Variants in POU2F3 observed in about 807,000 individuals in gnomAD.
POU2F3 encodes POU domain, class 2, transcription factor 3.
In POU2F3, 23 loss-of-function variants were observed where a neutral mutation model predicts 59.2. The observed-to-expected ratio is 0.39, with a 90% CI of 0.28 to 0.55. POU2F3 has a LOEUF of 0.55. Among genes scored for constraint, POU2F3 ranks in the 20% least tolerant of loss-of-function variants. The pLI, the probability that POU2F3 is intolerant of heterozygous loss-of-function variation, is 0.66. For missense variants in POU2F3, 473 were observed against 544.5 expected (o/e 0.87, Z 1.31); for synonymous variants, 190 against 214.6 (o/e 0.89, Z 1.00).
chr11:120,267,732 G>A (rs1169025915), intron 2 of POU2F3, among the ~76,000 whole-genome samples: 1 of 150,158 alleles, frequency 6.7e-6, no homozygotes, highest in African/African-American at 2.5e-5. Context: ...TCATTTTGTG[G>A]CCACTGAGGA....
intron 2 of POU2F3, among the ~76,000 whole-genome samples, chr11:120,262,523 A>G (rs1175767295): frequency 6.6e-6 from 1 of 152,252 alleles, no homozygotes; most frequent in Non-Finnish European, 1.5e-5. Flanking sequence ...TCTCTAAAAC[A>G]TGAAGACATT....
intron 3 of POU2F3, among the ~76,000 whole-genome samples, chr11:120,293,313 A>G (rs1157664440): frequency 6.6e-6 from 1 of 152,224 alleles, no homozygotes; most frequent in Non-Finnish European, 1.5e-5. Context: ...AGCCATGGAG[A>G]TGGGAGAATC....
upstream of POU2F3, chr11:120,236,813 C>T (rs1040262131): frequency 6.0e-6 from 7 of 1,173,834 alleles, no homozygotes; most frequent in African/African-American, 3.0e-5. Context: ...CCCCTCAACC[C>T]TATACACAGG....
chr11:120,236,667 C>T (rs1373372769), upstream of POU2F3: 24 of 1,501,282 alleles, frequency 1.6e-5, no homozygotes, highest in East Asian at 9.8e-5. Flanking sequence ...CTCAAAAAAC[C>T]GGTTTCATGG....
upstream of POU2F3, among the ~76,000 whole-genome samples, chr11:120,237,968 C>T (rs766901919): frequency 8.5e-5 from 13 of 152,116 alleles, no homozygotes; most frequent in East Asian, 7.7e-4. Flanking sequence ...GTGCAGGGGA[C>T]GGTGGCTCAC....
intron 8 of POU2F3, among the ~76,000 whole-genome samples, chr11:120,306,813 G>T (rs1200997800): frequency 6.6e-6 from 1 of 152,180 alleles, no homozygotes; most frequent in Admixed American, 6.5e-5. Context: ...TCCCCCTACA[G>T]GCTGTCCCTT....
At chr11:120,245,892 C>A (rs938977672) in intron 1 of POU2F3, among the ~76,000 whole-genome samples, 4 of 152,144 alleles carry the variant, frequency 2.6e-5, no homozygotes, top group Middle Eastern at 3.4e-3. Context: ...AGGACTTGAT[C>A]CCCAGACTGT....
intron 1 of POU2F3, among the ~76,000 whole-genome samples, chr11:120,245,001 G>A (rs372389565): frequency 6.6e-6 from 1 of 152,078 alleles, no homozygotes; most frequent in Non-Finnish European, 1.5e-5. Flanking sequence ...CTCTGTGACC[G>A]ACCACAAAGT....
chr11:120,275,741 C>T (rs1940291386), intron 3 of POU2F3, among the ~76,000 whole-genome samples: 1 of 152,224 alleles, frequency 6.6e-6, no homozygotes, highest in Non-Finnish European at 1.5e-5. Context: ...CTCTCAGCCC[C>T]ACACTTGGCA....
chr11:120,302,159 G>A (rs1049341705), intron 5 of POU2F3, 127 bp from the exon 6 acceptor site: 147 of 734,748 alleles, frequency 2.0e-4, no homozygotes, highest in African/African-American at 1.8e-3. Context: ...GACTTGAGGT[G>A]GGTGGAGGGA....
intron 3 of POU2F3, among the ~76,000 whole-genome samples, chr11:120,269,603 G>T (rs1591395402): frequency 6.6e-6 from 1 of 152,198 alleles, no homozygotes; most frequent in Non-Finnish European, 1.5e-5. Context: ...AGGAATTTAT[G>T]CAGCCACAAA....
At chr11:120,237,646 C>T (rs902231335), upstream of POU2F3, among the ~76,000 whole-genome samples, 1 of 152,174 alleles carries the variant, frequency 6.6e-6, no homozygotes, top group African/African-American at 2.4e-5. Flanking sequence ...CCTCGGTGCA[C>T]ATGGCCATGC....
intron 1 of POU2F3, among the ~76,000 whole-genome samples, chr11:120,244,612 G>C (rs538943135): frequency 1.3e-5 from 2 of 151,846 alleles, no homozygotes; most frequent in African/African-American, 2.4e-5. Context: ...AACCACCAGT[G>C]GGGGAGAACT....
chr11:120,236,926 TC>T (rs1938519541), upstream of POU2F3, among the ~76,000 whole-genome samples: 1 of 152,200 alleles, frequency 6.6e-6, no homozygotes, highest in Admixed American at 6.5e-5. Flanking sequence ...TGTTCTGTTT[TC>T]TGGGGTAAGT....
upstream of POU2F3, chr11:120,236,770 T>G (rs60361498): frequency 1.0e-3 from 1,421 of 1,397,822 alleles, 4 homozygotes; most frequent in African/African-American, 0.012. Flanking sequence ...TGAGCAAGTC[T>G]GAGAGAGAAG....
chr11:120,309,497 G>A lies in POU2F3; in HGVS notation c.979G>A (p.Val327Ile), dbSNP rs750099477. Reference protein sequence around the residue: ...QLSMEKEVVRVWFCNRRQKEK... With the variant: ...QLSMEKEVVRIWFCNRRQKEK... ...GTCCATGGAGAAGGAGGTGGTGAGGGTCTGGTTCTGCAACCGACGCCAAAA... is the reference window on the plus strand; with the variant it reads ...GTCCATGGAGAAGGAGGTGGTGAGGATCTGGTTCTGCAACCGACGCCAAAA... The change falls in exon 10 of 13, where the codon GTC (valine) becomes ATC (isoleucine). Residue 327 changes from valine (V) to isoleucine (I), a missense_variant. Transcript: ENST00000543440. 3 of 1,614,012 alleles carry A rather than the reference G, an allele frequency of 1.9e-6. No homozygotes were observed. In the South Asian group the frequency reaches 3.3e-5, roughly 18 times the overall value.
intron 2 of POU2F3, among the ~76,000 whole-genome samples, chr11:120,261,483 C>T (rs993282551): frequency 2.6e-5 from 4 of 152,122 alleles, no homozygotes; most frequent in African/African-American, 9.7e-5. Flanking sequence ...TCCATGAGAA[C>T]CAAAAGAGGC....
At chr11:120,311,551 G>A (rs1941648082) in intron 10 of POU2F3, among the ~76,000 whole-genome samples, 1 of 152,204 alleles carries the variant, frequency 6.6e-6, no homozygotes, top group Non-Finnish European at 1.5e-5. Flanking sequence ...TGGGTAGATG[G>A]TATTGCCATT....
At chr11:120,240,119 G>A, upstream of POU2F3, 2 of 1,163,080 alleles carry the variant, frequency 1.7e-6, no homozygotes, top group Non-Finnish European at 2.1e-6. Flanking sequence ...CCCCCGCCCC[G>A]CGCCGCGTGC....
Sources: allele counts gnomAD v4.1 joint callset (sites outside exome capture counted in the v4.1 genomes callset), GRCh38; gene constraint gnomAD v4.1.1; transcripts MANE v1.5; gene names NCBI Gene and HGNC (gene_info 2026-07-23, HGNC 2026-07-21).